Variants in DENND2A observed in about 807,000 individuals in gnomAD.
DENND2A encodes the protein DENN domain-containing protein 2A.
Under a neutral mutation model 105.3 loss-of-function variants are expected in DENND2A, and 53 were observed. That is an observed-to-expected ratio of 0.50 (90% CI 0.40 to 0.63). The LOEUF (loss-of-function observed/expected upper bound fraction) is 0.63, where lower values mean the gene tolerates loss of function less well. Ranked by LOEUF, DENND2A falls within the 30% of genes least tolerant of loss-of-function variation. DENND2A has a pLI of 0.00. For synonymous variants in DENND2A, 522 were observed against 508.4 expected (o/e 1.03, Z -0.36); for missense variants, 1,138 against 1,279.6 (o/e 0.89, Z 1.69).
chr7:140,606,784 C>A (rs536189427), intron 1 of DENND2A, among the ~76,000 whole-genome samples: 2 of 152,176 alleles, frequency 1.3e-5, no homozygotes, highest in African/African-American at 4.8e-5. Flanking sequence ...TGTGTGGATA[C>A]CAAGGCAGCA....
intron 9 of DENND2A, among the ~76,000 whole-genome samples, chr7:140,560,419 T>C (rs1428783425): frequency 6.6e-6 from 1 of 152,158 alleles, no homozygotes; most frequent in Non-Finnish European, 1.5e-5. Context: ...ATGTTCAAAC[T>C]AGGAAGAAAA....
intron 18 of DENND2A, among the ~76,000 whole-genome samples, chr7:140,520,090 G>C (rs1795800151): frequency 6.6e-6 from 1 of 152,028 alleles, no homozygotes; most frequent in African/African-American, 2.4e-5. Context: ...GATCACCTGA[G>C]ATCAGGAGTT....
At chr7:140,635,957 T>C (rs530290613) in intron 1 of DENND2A, among the ~76,000 whole-genome samples, 5 of 152,268 alleles carry the variant, frequency 3.3e-5, no homozygotes, top group Admixed American at 3.3e-4. Context: ...ATATGAAAAG[T>C]AGAGAACTTA....
Position 140,640,528 on chromosome 7 carries a change from G to T in DENND2A, c.-272C>A. On this transcript the variant is annotated 5_prime_UTR_variant, in exon 1 of 20. Transcript: ENST00000496613. This position sits in a 1 kb window ranked among gnomAD's most constrained non-coding sequence, Gnocchi z 4.9. The stretch of plus-strand genomic sequence containing the variant: ...CCTCCCCGCGGGCGGCGGCTCCGCG[G>T]GCTCTGGGGCGCATCTTGGGGGCTC... 1 of 150,942 alleles carries T rather than the reference G, an allele frequency of 6.6e-6. No individual in the cohort carries two copies. Among genetic ancestry groups the T allele is most frequent in the South Asian group, 1.9e-4 (1 of 5,342 alleles). The allele number at this position is 150,942 out of a possible 1,614,324, so 9.4% of individuals were successfully genotyped here.
chr7:140,614,872 A>T (rs930375400), intron 1 of DENND2A, among the ~76,000 whole-genome samples: 2 of 151,784 alleles, frequency 1.3e-5, no homozygotes, highest in Non-Finnish European at 1.5e-5. Context: ...ACAAACAAAA[A>T]TTTTTTTTTG....
chr7:140,536,420 C>CAAAAGGTG (rs1324143645), intron 14 of DENND2A, among the ~76,000 whole-genome samples: 1 of 151,666 alleles, frequency 6.6e-6, no homozygotes, highest in Non-Finnish European at 1.5e-5. Flanking sequence ...GCAGTGCATC[C>CAAAAGGTG]AAAAGGTGAA....
At chr7:140,576,043 T>A (rs539489090) in intron 5 of DENND2A, among the ~76,000 whole-genome samples, 9 of 151,422 alleles carry the variant, frequency 5.9e-5, no homozygotes, top group South Asian at 4.1e-4. Context: ...TATATATATA[T>A]AATTATTTTT....
chr7:140,622,851 C>T (rs776829241), intron 1 of DENND2A, among the ~76,000 whole-genome samples: 20 of 151,942 alleles, frequency 1.3e-4, no homozygotes, highest in Non-Finnish European at 2.5e-4. Context: ...GGATTACAGG[C>T]GTGAGCCATC....
upstream of DENND2A, chr7:140,640,880 C>T (rs547852786): frequency 1.3e-5 from 2 of 151,970 alleles, no homozygotes; most frequent in South Asian, 4.1e-4. This position sits in a 1 kb window ranked among gnomAD's most constrained non-coding sequence, Gnocchi z 4.9. Flanking sequence ...AGCTGGCGGG[C>T]GCCCGGCCGG....
chr7:140,590,650 A>C (rs1321019500), intron 3 of DENND2A, among the ~76,000 whole-genome samples: 2 of 152,254 alleles, frequency 1.3e-5, no homozygotes, highest in African/African-American at 4.8e-5. Flanking sequence ...GGATTGCTTG[A>C]GGCCAGGAGT....
intron 1 of DENND2A, among the ~76,000 whole-genome samples, chr7:140,627,384 T>C (rs1800571974): frequency 6.6e-6 from 1 of 151,814 alleles, no homozygotes; most frequent in South Asian, 2.1e-4. Flanking sequence ...GCTAATTTTT[T>C]TTGTATTTTT....
chr7:140,623,286 G>A (rs990209053), intron 1 of DENND2A, among the ~76,000 whole-genome samples: 1 of 143,504 alleles, frequency 7.0e-6, no homozygotes, highest in African/African-American at 2.6e-5. Flanking sequence ...CCGCACTCCA[G>A]CCTGGGCGAC....
At chr7:140,592,967 T>C (rs80094940) in intron 3 of DENND2A, among the ~76,000 whole-genome samples, 6,042 of 152,290 alleles carry the variant, frequency 0.04, 225 homozygotes, top group African/African-American at 0.1. Flanking sequence ...TTCTGAGGTT[T>C]AGGTAGGTGA....
rs1476049312 is a variant in DENND2A at position 140,571,951 on chromosome 7, G to A, written c.1446+1857C>T. ...TCAGTAGGCACCACTACTTAAAGGT[G>A]CATTCCCTAAGTGGACTTCAGCAGA... On this transcript the variant is annotated intron_variant, in intron 6 of 19. Coordinates refer to ENST00000496613, the MANE Select transcript of DENND2A (RefSeq NM_015689.5). Among the ~76,000 whole-genome samples, 4 of 151,976 alleles carry A rather than the reference G, an allele frequency of 2.6e-5. No individual in the cohort carries two copies. In the East Asian group the frequency reaches 5.8e-4, roughly 22 times the overall value.
chr7:140,554,186 C>A (rs1254448945), intron 12 of DENND2A, among the ~76,000 whole-genome samples: 2 of 149,298 alleles, frequency 1.3e-5, no homozygotes, highest in Non-Finnish European at 3.0e-5. Flanking sequence ...AGGTCGCACC[C>A]TTGCACTCCA....
At chr7:140,519,543 C>T (rs551390715) in intron 19 of DENND2A, 89 bp downstream of exon 19, 33 of 1,140,406 alleles carry the variant, frequency 2.9e-5, no homozygotes, top group East Asian at 9.4e-5. Flanking sequence ...TTATTCAGGG[C>T]GCTGGCTCCA....
intron 12 of DENND2A, among the ~76,000 whole-genome samples, chr7:140,552,791 G>A (rs1396879708): frequency 2.0e-5 from 3 of 151,990 alleles, no homozygotes; most frequent in East Asian, 1.9e-4. Flanking sequence ...CCACAGCCTC[G>A]AACTCTTGGG....
intron 11 of DENND2A, among the ~76,000 whole-genome samples, chr7:140,556,829 A>G (rs1403471437): frequency 6.6e-6 from 1 of 152,238 alleles, no homozygotes; most frequent in Non-Finnish European, 1.5e-5. Context: ...GTATATTCTC[A>G]GTGGAAAAAG....
intron 14 of DENND2A, among the ~76,000 whole-genome samples, chr7:140,533,608 C>T (rs1448220093): frequency 6.6e-6 from 1 of 152,218 alleles, no homozygotes; most frequent in East Asian, 1.9e-4. Context: ...AGCCAAAGTT[C>T]ACTCAGTGAA....
Sources: allele counts gnomAD v4.1 joint callset (sites outside exome capture counted in the v4.1 genomes callset), GRCh38; gene constraint gnomAD v4.1.1; non-coding constraint Gnocchi (gnomAD v3.1); transcripts MANE v1.5; gene names NCBI Gene and HGNC (gene_info 2026-07-23, HGNC 2026-07-21).